Variants in NFAT5 observed in about 807,000 individuals in gnomAD.
NFAT5 encodes the protein nuclear factor of activated T cells 5.
Under a neutral mutation model 166.5 loss-of-function variants are expected in NFAT5, and 31 were observed. That is an observed-to-expected ratio of 0.19 (90% CI 0.14 to 0.25). The LOEUF (loss-of-function observed/expected upper bound fraction) is 0.25. Ranked by LOEUF, NFAT5 falls within the 10% of genes least tolerant of loss-of-function variation. The probability of loss-of-function intolerance (pLI) is 1.00; values close to 1 mark genes in which losing one functional copy is unlikely to be tolerated. For missense variants in NFAT5, 1,449 were observed against 1,821.8 expected (o/e 0.80, Z 3.72); for synonymous variants, 612 against 639.7 (o/e 0.96, Z 0.65).
chr16:69,680,738 A>G (rs1180181305), intron 10 of NFAT5, among the ~76,000 whole-genome samples: 2 of 151,860 alleles, frequency 1.3e-5, no homozygotes, highest in East Asian at 3.9e-4. Flanking sequence ...TGCAATTTTC[A>G]TTTTTTTGTT....
At chr16:69,680,820 C>T (rs542431272) in intron 10 of NFAT5, among the ~76,000 whole-genome samples, 3 of 152,122 alleles carry the variant, frequency 2.0e-5, no homozygotes, top group South Asian at 2.1e-4. Flanking sequence ...AGTACAGTGG[C>T]GTGATCTCGG....
intron 2 of NFAT5, among the ~76,000 whole-genome samples, chr16:69,591,130 C>A (rs1411868103): frequency 6.6e-6 from 1 of 152,052 alleles, no homozygotes; most frequent in East Asian, 1.9e-4. Context: ...TGGGGTTTTG[C>A]CATGTTGACC....
chr16:69,643,534 C>T (rs1445131327), intron 3 of NFAT5, among the ~76,000 whole-genome samples: 1 of 151,356 alleles, frequency 6.6e-6, no homozygotes, highest in African/African-American at 2.4e-5. Flanking sequence ...AGAGTACTCT[C>T]GGTAGAGATA....
rs948002773 is a variant in NFAT5 at position 69,605,712 on chromosome 16, C to CT, written c.128-20679dup. ...TCTGTGAAAGTCTGTTCCCTTTTTT[C>CT]TTTTTTTTTTTTGAGACGGAGTCTC... On this transcript the variant is annotated intron_variant, in intron 2 of 14. Transcript: ENST00000349945. Among the ~76,000 whole-genome samples the CT allele has an allele frequency of 2.7e-3, 392 of 145,364 alleles. 3 individuals carry two copies. The highest frequency in any genetic ancestry group is 3.6e-3 in the Middle Eastern group (1 of 276).
intron 2 of NFAT5, among the ~76,000 whole-genome samples, chr16:69,572,445 A>AT (rs943707991): frequency 1.2e-5 from 1 of 84,348 alleles, no homozygotes; most frequent in African/African-American, 5.3e-5. Flanking sequence ...TGGTTTATAT[A>AT]TTTTTTTTAA....
At position 69,627,411 on chromosome 16, in the gene NFAT5, G is replaced by A. The variant is rs1597428819; in HGVS notation, c.253+883G>A. Among the ~76,000 whole-genome samples, 2 of 143,928 alleles carry A rather than the reference G, an allele frequency of 1.4e-5. 1 individual carries two copies. The highest frequency in any genetic ancestry group is 4.4e-4 in the South Asian group (2 of 4,502). 94.4% of individuals were successfully genotyped at this position (143,928 alleles called of 152,430 possible). Reference sequence around the variant, plus strand: ...TGAAGTTTTATCTGTCCTAATTAGAGGTTTCTTGCCTAATATGACACCTCT... The same window carrying A: ...TGAAGTTTTATCTGTCCTAATTAGAAGTTTCTTGCCTAATATGACACCTCT... On this transcript the variant is annotated intron_variant, in intron 3 of 14. Transcript: ENST00000349945.
At chr16:69,580,524 T>TG (rs2031605538) in intron 2 of NFAT5, among the ~76,000 whole-genome samples, 1 of 136,594 alleles carries the variant, frequency 7.3e-6, no homozygotes, top group Non-Finnish European at 1.6e-5. Context: ...AGAGCGAAAC[T>TG]AAAAAAAAAA....
rs749361879 is a variant in NFAT5 at position 69,585,261 on chromosome 16, G to A, written c.127+16713G>A. On this transcript the variant is annotated intron_variant, in intron 2 of 14. Transcript: ENST00000349945. ...CCTGACCTCATGATCCACCTGCCTC[G>A]GCCTCCCAAAGTGCTGGGATTACTG... 1.1e-4 allele frequency among the ~76,000 whole-genome samples: 16 copies of A among 151,698 alleles called. No homozygotes were observed. In the East Asian group the frequency reaches 2.1e-3, roughly 20 times the overall value.
Position 69,699,845 on chromosome 16 carries a change from T to A in NFAT5, c.*3494T>A, listed in dbSNP as rs2037866869. 6.7e-6 allele frequency: 1 copy of A among 149,348 alleles called. No individual in the cohort carries two copies. The highest frequency in any genetic ancestry group is 6.6e-5 in the Admixed American group (1 of 15,076). 9.3% of individuals were successfully genotyped at this position (149,348 alleles called of 1,614,324 possible). ...CTCTCTCTCTCTCTCTCTGTGTGTG[T>A]GTGTGTATGTGTGTGTGTGTGTGTG... On this transcript the variant is annotated 3_prime_UTR_variant, in exon 15 of 15. Coordinates refer to ENST00000349945, the MANE Select transcript of NFAT5 (RefSeq NM_138713.4).
At chr16:69,614,080 A>C (rs1438945233) in intron 2 of NFAT5, among the ~76,000 whole-genome samples, 1 of 152,134 alleles carries the variant, frequency 6.6e-6, no homozygotes, top group Non-Finnish European at 1.5e-5. Context: ...TTTAAACAGA[A>C]AGTGTAGCAA....
chr16:69,691,639 T>C lies in NFAT5; in HGVS notation c.1924-110T>C, dbSNP rs1487558328. On this transcript the variant is annotated intron_variant, in intron 12 of 14. Transcript: ENST00000349945. ...TTTTCTAAATGATAATAATATAGAG[T>C]GGAAAGCTGGTCCTGCATATATTTT... 1.8e-5 allele frequency: 14 copies of C among 770,794 alleles called. No individual in the cohort carries two copies. The East Asian group carries it at 2.9e-4, about 16-fold the overall frequency. 47.7% of individuals were successfully genotyped at this position (770,794 alleles called of 1,614,324 possible).
chr16:69,598,762 C>T (rs1448230111), intron 2 of NFAT5, among the ~76,000 whole-genome samples: 1 of 152,048 alleles, frequency 6.6e-6, no homozygotes, highest in African/African-American at 2.4e-5. Flanking sequence ...CGATGGCTCA[C>T]GCCTGTAATC....
Position 69,695,151 on chromosome 16 carries a change from T to C in NFAT5, c.4430T>C (p.Leu1477Ser). The change falls in exon 14 of 15, where the codon TTA becomes TCA. Residue 1477 changes from leucine (L) to serine (S), a missense_variant. By Grantham distance (145) the Leu-to-Ser change is moderately radical. Transcript: ENST00000349945. ...GTCTCTGCAGACTGTAGTCAGCTTT[T>C]AACCTCTGGACCAGCTACATTGCCT... ...FGIQNNCSQLLTSGPATLPDQ... is the reference protein window; with the variant it reads ...FGIQNNCSQLSTSGPATLPDQ... 1.2e-6 allele frequency: 2 copies of C among 1,614,170 alleles called. No homozygotes were observed. The highest frequency in any genetic ancestry group is 1.7e-6 in the Non-Finnish European group (2 of 1,179,994).
At position 69,629,986 on chromosome 16, in the gene NFAT5, G is replaced by C. The variant is rs566771496; in HGVS notation, c.253+3458G>C. 2.0e-5 allele frequency among the ~76,000 whole-genome samples: 3 copies of C among 151,632 alleles called. No individual in the cohort carries two copies. In the East Asian group the frequency reaches 5.8e-4, roughly 29 times the overall value. On this transcript the variant is annotated intron_variant, in intron 3 of 14. Transcript: ENST00000349945. ...GAGTCTCACTCTGTCGCCCAGGCTGGAGTGCAGCAGTGTGATCTCAGCTCA... is the reference window on the plus strand; with the variant it reads ...GAGTCTCACTCTGTCGCCCAGGCTGCAGTGCAGCAGTGTGATCTCAGCTCA...
At chr16:69,631,408 G>A (rs1414463085) in intron 3 of NFAT5, among the ~76,000 whole-genome samples, 2 of 151,984 alleles carry the variant, frequency 1.3e-5, no homozygotes, top group African/African-American at 4.8e-5. Context: ...TCCAGCCTGG[G>A]CGATAGAGTG....
At chr16:69,640,286 GTCCT>G (rs1312836954) in intron 3 of NFAT5, among the ~76,000 whole-genome samples, 1 of 152,096 alleles carries the variant, frequency 6.6e-6, no homozygotes, top group African/African-American at 2.4e-5. Flanking sequence ...TTCTTCATAA[GTCCT>G]TCTTTCTTTC....
intron 3 of NFAT5, among the ~76,000 whole-genome samples, chr16:69,640,043 T>G (rs1033811464): frequency 2.6e-5 from 4 of 152,348 alleles, no homozygotes; most frequent in African/African-American, 7.2e-5. Context: ...ATGTAAATGA[T>G]CAGCCCTACA....
chr16:69,625,960 AAT>A (rs2034437239), intron 2 of NFAT5, among the ~76,000 whole-genome samples: 2 of 150,172 alleles, frequency 1.3e-5, no homozygotes, highest in Non-Finnish European at 1.5e-5. Context: ...AAAATAAAAA[AAT>A]TTTTTTTTTT....
intron 2 of NFAT5, among the ~76,000 whole-genome samples, chr16:69,571,542 C>T (rs577645315): frequency 6.6e-6 from 1 of 152,152 alleles, no homozygotes; most frequent in East Asian, 1.9e-4. Flanking sequence ...CTATCAAGTT[C>T]TGTCTAGTAA....
Sources: gnomAD v4.1 joint callset for allele counts (sites outside exome capture counted in the v4.1 genomes callset) on GRCh38, gnomAD v4.1.1 for gene constraint, MANE v1.5 for transcripts, NCBI Gene and HGNC (gene_info 2026-07-23, HGNC 2026-07-21) for gene names.